TFB2M: variants seen among roughly 807,000 people sequenced by gnomAD.
The protein encoded by TFB2M is transcription factor B2, mitochondrial.
A neutral mutation model predicts 41.3 loss-of-function variants in TFB2M; 44 were observed. That is an observed-to-expected ratio of 1.07 (90% CI 0.84 to 1.37). The LOEUF (loss-of-function observed/expected upper bound fraction) is 1.37. TFB2M is among the 40% of genes most tolerant of loss of function. The pLI is 0.00. For missense variants in TFB2M, 496 were observed against 490.2 expected (o/e 1.01, Z -0.11); for synonymous variants, 188 against 176.8 (o/e 1.06, Z -0.50).
chr1:246,549,530 CG>C (rs1257612929), intron 5 of TFB2M, among the ~76,000 whole-genome samples: 1 of 151,794 alleles, frequency 6.6e-6, no homozygotes, highest in East Asian at 1.9e-4. Context: ...TGCAGTGAGC[CG>C]GGATTGTGCT....
chr1:246,551,465 C>T (rs971402381), intron 4 of TFB2M, among the ~76,000 whole-genome samples, 163 bp from the exon 5 acceptor site: 1 of 152,168 alleles, frequency 6.6e-6, no homozygotes, highest in Non-Finnish European at 1.5e-5. Flanking sequence ...GCCTGTAGTC[C>T]CAGCTACTCG....
At chr1:246,556,986 A>T (rs1659340600) in intron 3 of TFB2M, among the ~76,000 whole-genome samples, 1 of 152,062 alleles carries the variant, frequency 6.6e-6, no homozygotes, top group Admixed American at 6.6e-5. Context: ...AATTATACAC[A>T]AATTCGGCGG....
intron 7 of TFB2M, among the ~76,000 whole-genome samples, chr1:246,542,573 G>A (rs963071456): frequency 2.0e-5 from 3 of 152,114 alleles, no homozygotes; most frequent in Admixed American, 2.0e-4. Flanking sequence ...TCAGGGAAGA[G>A]GCTGAGGCAG....
intron 5 of TFB2M, 35 bp downstream of exon 5, chr1:246,551,178 A>G (rs367942482): frequency 6.4e-7 from 1 of 1,562,238 alleles, no homozygotes; most frequent in Non-Finnish European, 8.8e-7. Context: ...CTGTCGCTAA[A>G]GAAAAACGTT....
intron 7 of TFB2M, among the ~76,000 whole-genome samples, chr1:246,543,947 G>C (rs1319954845): frequency 3.9e-5 from 6 of 152,082 alleles, no homozygotes; most frequent in Non-Finnish European, 7.4e-5. Flanking sequence ...CTGAGACTGT[G>C]CCACTACACT....
chr1:246,545,055 T>C (rs1392201978), intron 6 of TFB2M, among the ~76,000 whole-genome samples: 1 of 135,702 alleles, frequency 7.4e-6, no homozygotes, highest in Non-Finnish European at 1.6e-5. Flanking sequence ...TCCGCCCGCC[T>C]CGGCCTCCCC....
chr1:246,559,421 C>A (rs1157420008), intron 2 of TFB2M, among the ~76,000 whole-genome samples: 1 of 152,204 alleles, frequency 6.6e-6, no homozygotes, highest in East Asian at 1.9e-4. Flanking sequence ...TGGTGGCACA[C>A]CCCTGTAACT....
chr1:246,561,537 G>A (rs1018470165), intron 2 of TFB2M, among the ~76,000 whole-genome samples: 2 of 151,798 alleles, frequency 1.3e-5, no homozygotes, highest in South Asian at 2.1e-4. Flanking sequence ...GCACGATCTC[G>A]GCTCACTGCA....
At chr1:246,553,917 T>A (rs1659248400) in intron 4 of TFB2M, among the ~76,000 whole-genome samples, 1 of 152,120 alleles carries the variant, frequency 6.6e-6, no homozygotes, top group Non-Finnish European at 1.5e-5. Context: ...AGAATAAATT[T>A]GGATGAATCA....
intron 6 of TFB2M, among the ~76,000 whole-genome samples, chr1:246,545,773 T>C (rs6684397): frequency 0.014 from 1,977 of 142,206 alleles, 61 homozygotes; most frequent in African/African-American, 0.05. Context: ...GATTACGCCA[T>C]TGCACTCCAG....
chr1:246,541,244 A>T, intron 7 of TFB2M, 42 bp from the exon 8 acceptor site: 2 of 1,581,592 alleles, frequency 1.3e-6, no homozygotes, highest in Non-Finnish European at 8.6e-7. Context: ...ATTCTTTCTC[A>T]TGCATCTATC....
chr1:246,542,438 T>C (rs1479049137), intron 7 of TFB2M, among the ~76,000 whole-genome samples: 1 of 152,060 alleles, frequency 6.6e-6, no homozygotes, highest in Non-Finnish European at 1.5e-5. Context: ...TTTGGGGGGC[T>C]AGGTGGGAGG....
chr1:246,556,573 C>G lies in TFB2M; in HGVS notation c.705G>C (p.Gln235His). ...VNMFIGEKEF[Q>H]KLMADPGNPD... ...AAATAGGTATTTGTTAATAACATAC[C>G]TGGAATTCTTTTTCACCAATAAACA... is the stretch of plus-strand genomic sequence containing the variant. Residue 235 changes from glutamine to histidine, a missense_variant and splice_region_variant, in exon 4 of 8, where the codon CAG (glutamine) becomes CAC (histidine). Transcript: ENST00000366514. 1.3e-6 allele frequency: 2 copies of G among 1,487,480 alleles called. No homozygotes were observed. Among genetic ancestry groups the G allele is most frequent in the Non-Finnish European group, 1.8e-6 (2 of 1,110,742 alleles). 92.1% of individuals were successfully genotyped at this position (1,487,480 alleles called of 1,614,324 possible).
At chr1:246,546,456 A>C (rs1659021638) in intron 6 of TFB2M, among the ~76,000 whole-genome samples, 1 of 152,040 alleles carries the variant, frequency 6.6e-6, no homozygotes. Context: ...CTTTACTAAA[A>C]ATACAAAAAT....
intron 6 of TFB2M, among the ~76,000 whole-genome samples, chr1:246,545,098 G>GC (rs1174881212): frequency 6.6e-6 from 1 of 151,930 alleles, no homozygotes; most frequent in Non-Finnish European, 1.5e-5. Context: ...GAGCCACCGT[G>GC]CCCGGCCCAC....
At chr1:246,553,217 T>A (rs1028602944) in intron 4 of TFB2M, among the ~76,000 whole-genome samples, 2 of 151,984 alleles carry the variant, frequency 1.3e-5, no homozygotes, top group African/African-American at 2.4e-5. Context: ...CAAGACTCCG[T>A]CTAAAAAAAA....
At position 246,544,482 on chromosome 1, in the gene TFB2M, C is replaced by T. The variant is rs768302584; in HGVS notation, c.1019+39G>A. 38 of 1,531,978 alleles carry T rather than the reference C, an allele frequency of 2.5e-5. No individual in the cohort carries two copies. In the East Asian group the frequency reaches 4.5e-4, roughly 18 times the overall value. The allele number at this position is 1,531,978 out of a possible 1,614,324, so 94.9% of individuals were successfully genotyped here. A position where few individuals can be genotyped will look rare whatever the true frequency, so the allele number is the denominator to read the frequency against. ...TAGCATGAAAGAATAATTTGTGCAT[C>T]GTTGCTACTTTATACTTGCTTTTAT... On this transcript the variant is annotated intron_variant, in intron 7 of 7. Transcript: ENST00000366514.
chr1:246,547,217 C>T (rs1239934098), intron 6 of TFB2M, among the ~76,000 whole-genome samples: 2 of 152,032 alleles, frequency 1.3e-5, no homozygotes, highest in African/African-American at 2.4e-5. Flanking sequence ...CTCTTGACCT[C>T]GTGATCCACC....
chr1:246,550,443 G>A (rs554781279), intron 5 of TFB2M, among the ~76,000 whole-genome samples: 20 of 152,090 alleles, frequency 1.3e-4, no homozygotes, highest in African/African-American at 4.3e-4. Context: ...GAAAAAAAAA[G>A]AATTGGAACA....
Sources: allele counts gnomAD v4.1 joint callset (sites outside exome capture counted in the v4.1 genomes callset), GRCh38; gene constraint gnomAD v4.1.1; transcripts MANE v1.5; gene names NCBI Gene and HGNC (gene_info 2026-07-23, HGNC 2026-07-21).